The following TTLL5 variants were observed in gnomAD, a reference collection of about 807,000 sequenced individuals.
TTLL5 encodes tubulin tyrosine ligase like 5.
A neutral mutation model predicts 168.4 loss-of-function variants in TTLL5; 132 were observed. The ratio of observed to expected loss-of-function variants is 0.78; its 90% CI spans 0.68 to 0.91. The LOEUF (loss-of-function observed/expected upper bound fraction) is 0.91, where lower values mean the gene tolerates loss of function less well. Ranked by LOEUF, TTLL5 falls within the 40% of genes least tolerant of loss-of-function variation. TTLL5 has a pLI of 0.00. For missense variants in TTLL5, 1,545 were observed against 1,581.5 expected (o/e 0.98, Z 0.39); for synonymous variants, 546 against 558.6 (o/e 0.98, Z 0.32).
chr14:75,863,516 G>A, intron 28 of TTLL5, 151 bp from the exon 29 acceptor site: 1 of 692,968 alleles, frequency 1.4e-6, no homozygotes, highest in Non-Finnish European at 2.3e-6. Flanking sequence ...ACGGTTTAGT[G>A]GGGGAGTGAG....
intron 26 of TTLL5, among the ~76,000 whole-genome samples, chr14:75,788,980 T>C (rs1015690680): frequency 3.3e-5 from 5 of 152,076 alleles, no homozygotes; most frequent in African/African-American, 9.7e-5. Flanking sequence ...CATGTAAATA[T>C]AATAAAGAAA....
intron 18 of TTLL5, among the ~76,000 whole-genome samples, chr14:75,754,252 T>C (rs1890116432): frequency 6.6e-6 from 1 of 152,222 alleles, no homozygotes; most frequent in African/African-American, 2.4e-5. Context: ...GGATGTAATG[T>C]CTTTTCAGAT....
At chr14:75,805,182 TC>T (rs1192185302) in intron 27 of TTLL5, among the ~76,000 whole-genome samples, 1 of 152,224 alleles carries the variant, frequency 6.6e-6, no homozygotes, top group Non-Finnish European at 1.5e-5. Context: ...TTAATCTTCT[TC>T]CTTTAGCATG....
rs565725041 is a variant in TTLL5 at position 75,809,670 on chromosome 14, ATT to A, written c.3172-10334_3172-10333del. Among the ~76,000 whole-genome samples, 331 of 152,276 alleles carry A rather than the reference ATT, an allele frequency of 2.2e-3. 1 individual carries two copies. Among genetic ancestry groups the A allele is most frequent in the African/African-American group, 7.7e-3 (322 of 41,566 alleles). On this transcript the variant is annotated intron_variant, in intron 27 of 31. Coordinates refer to ENST00000298832, the MANE Select transcript of TTLL5 (RefSeq NM_015072.5). ...TACTTTCGAATACTAGAACTTATTC[ATT>A]TTATCTAACTGTATTTTTGTACTCA...
chr14:75,937,768 CT>C (rs1396141323), intron 31 of TTLL5, among the ~76,000 whole-genome samples: 2 of 152,188 alleles, frequency 1.3e-5, no homozygotes, highest in Admixed American at 6.5e-5. Context: ...TCAATGGACA[CT>C]TGAGTTGCTT....
intron 9 of TTLL5, among the ~76,000 whole-genome samples, chr14:75,715,349 A>AT (rs1248708528): frequency 6.9e-5 from 10 of 145,142 alleles, no homozygotes; most frequent in African/African-American, 2.6e-4. Flanking sequence ...GGAAGGTCTG[A>AT]TTTTTATATG....
chr14:75,751,236 T>C (rs970080109), intron 17 of TTLL5, among the ~76,000 whole-genome samples: 1 of 152,232 alleles, frequency 6.6e-6, no homozygotes. Context: ...TAGCATGAAT[T>C]TCTTTCTTCT....
intron 28 of TTLL5, among the ~76,000 whole-genome samples, chr14:75,857,502 A>AT (rs1004737547): frequency 3.1e-4 from 47 of 151,172 alleles, no homozygotes; most frequent in African/African-American, 1.1e-3. Context: ...AAAGAAAGTA[A>AT]TTTTTTTTTG....
At chr14:75,920,409 C>T (rs193048460) in intron 31 of TTLL5, among the ~76,000 whole-genome samples, 3 of 152,212 alleles carry the variant, frequency 2.0e-5, no homozygotes, top group Admixed American at 6.5e-5. Flanking sequence ...CCCCACCCCT[C>T]GACAGGCCCT....
chr14:75,889,040 TC>T, intron 30 of TTLL5, among the ~76,000 whole-genome samples: 1 of 152,250 alleles, frequency 6.6e-6, no homozygotes, highest in African/African-American at 2.4e-5. Context: ...TAATGTGTAT[TC>T]TTAACAAAAT....
chr14:75,904,241 A>G, intron 31 of TTLL5: 1 of 1,183,348 alleles, frequency 8.5e-7, no homozygotes, highest in Non-Finnish European at 1.1e-6. Flanking sequence ...AATTACTAGA[A>G]CATGGTAGTT....
At chr14:75,767,261 C>T (rs1481373952) in intron 20 of TTLL5, among the ~76,000 whole-genome samples, 1 of 151,964 alleles carries the variant, frequency 6.6e-6, no homozygotes, top group African/African-American at 2.4e-5. Context: ...GCCAGTTGTG[C>T]TAGGCCATAT....
intron 3 of TTLL5, among the ~76,000 whole-genome samples, chr14:75,672,046 T>C (rs1161296103): frequency 6.6e-6 from 1 of 152,208 alleles, no homozygotes; most frequent in Non-Finnish European, 1.5e-5. Context: ...TTTGCTTCTA[T>C]TCCTAGTTTG....
chr14:75,882,151 A>G (rs547850835), intron 29 of TTLL5, among the ~76,000 whole-genome samples: 13 of 152,300 alleles, frequency 8.5e-5, no homozygotes, highest in African/African-American at 2.9e-4. Context: ...GGCCTGGCTC[A>G]TGGTTCCTGT....
intron 29 of TTLL5, among the ~76,000 whole-genome samples, chr14:75,869,028 G>A (rs1199733894): frequency 8.5e-6 from 1 of 117,398 alleles, no homozygotes; most frequent in Non-Finnish European, 1.8e-5. Flanking sequence ...GTGTGTGTGT[G>A]TGTGTGTGTG....
At chr14:75,891,820 C>G (rs1452396328) in intron 30 of TTLL5, among the ~76,000 whole-genome samples, 2 of 152,190 alleles carry the variant, frequency 1.3e-5, no homozygotes. Flanking sequence ...CTTGGCTTAA[C>G]TAACTTTTCT....
At chr14:75,918,075 C>CT (rs2033682882) in intron 31 of TTLL5, among the ~76,000 whole-genome samples, 1 of 152,140 alleles carries the variant, frequency 6.6e-6, no homozygotes, top group African/African-American at 2.4e-5. Flanking sequence ...GTTTCTGTTC[C>CT]TACCGGCATT....
intron 9 of TTLL5, chr14:75,710,774 C>T (rs574564033): frequency 6.6e-6 from 1 of 152,188 alleles, no homozygotes; most frequent in African/African-American, 2.4e-5. Context: ...ATCTCCAGAT[C>T]TGCAGCTTTT....
At chr14:75,749,490 A>C (rs1179754773) in intron 17 of TTLL5, among the ~76,000 whole-genome samples, 1 of 152,202 alleles carries the variant, frequency 6.6e-6, no homozygotes, top group Non-Finnish European at 1.5e-5. Flanking sequence ...GTTGAGCTTC[A>C]GAATTGGACG....
Sources: gnomAD v4.1 joint callset for allele counts (sites outside exome capture counted in the v4.1 genomes callset) on GRCh38, gnomAD v4.1.1 for gene constraint, MANE v1.5 for transcripts, NCBI Gene and HGNC (gene_info 2026-07-23, HGNC 2026-07-21) for gene names.